Variants in MAMDC2 observed in about 807,000 individuals in gnomAD.
The protein encoded by MAMDC2 is MAM domain containing 2, also known as MAM domain-containing protein 2.
A neutral mutation model predicts 89.8 loss-of-function variants in MAMDC2; 57 were observed. The observed-to-expected ratio is 0.63, with a 90% CI of 0.51 to 0.79. The LOEUF is 0.79. MAMDC2 is among the 30% of genes least tolerant of loss of function. The pLI is 0.00. For missense variants in MAMDC2, 800 were observed against 820.6 expected, an observed-to-expected ratio of 0.97 and a Z score of 0.31; for synonymous variants, 313 against 293.4, an observed-to-expected ratio of 1.07 and a Z score of -0.68.
chr9:70,163,001 A>G (rs957292691), intron 9 of MAMDC2, among the ~76,000 whole-genome samples: 3 of 151,846 alleles, frequency 2.0e-5, no homozygotes, highest in Non-Finnish European at 4.4e-5. Context: ...GCCTGTCATT[A>G]TGTTGTTTCT....
intron 2 of MAMDC2, chr9:70,082,104 A>C (rs902655374): frequency 1.3e-5 from 2 of 152,232 alleles, no homozygotes; most frequent in Non-Finnish European, 2.9e-5. Context: ...AAAGAGAAGA[A>C]ACAAATGCAT....
intron 9 of MAMDC2, 41 bp from the exon 10 acceptor site, chr9:70,168,661 T>G: frequency 6.5e-7 from 1 of 1,548,858 alleles, no homozygotes; most frequent in Non-Finnish European, 8.9e-7. Context: ...TTTCCAGTTT[T>G]CAGTTAACAG....
chr9:70,096,208 G>A (rs1009756074), intron 2 of MAMDC2, among the ~76,000 whole-genome samples: 4 of 151,924 alleles, frequency 2.6e-5, no homozygotes, highest in Admixed American at 6.6e-5. Flanking sequence ...TGTAGAGATG[G>A]GGTTTTGCCA....
chr9:70,090,043 A>G (rs138087675), intron 2 of MAMDC2, among the ~76,000 whole-genome samples: 3 of 152,148 alleles, frequency 2.0e-5, no homozygotes, highest in Non-Finnish European at 4.4e-5. Flanking sequence ...ATATCCAGTT[A>G]ATTTTCTTAA....
At chr9:70,142,214 G>T (rs2031247876) in intron 8 of MAMDC2, among the ~76,000 whole-genome samples, 1 of 152,104 alleles carries the variant, frequency 6.6e-6, no homozygotes, top group African/African-American at 2.4e-5. Context: ...TGGGAGAGTG[G>T]GAGTGACCCA....
At chr9:70,222,477 A>T (rs2033582808) in intron 12 of MAMDC2, among the ~76,000 whole-genome samples, 1 of 152,110 alleles carries the variant, frequency 6.6e-6, no homozygotes, top group Non-Finnish European at 1.5e-5. Context: ...TTTGAGATTG[A>T]TCCTATGGGG....
intron 2 of MAMDC2, among the ~76,000 whole-genome samples, chr9:70,078,021 T>C (rs764722526): frequency 0.34 from 52,211 of 151,802 alleles, 10,071 homozygotes; most frequent in African/African-American, 0.52. Flanking sequence ...CACTCTACCA[T>C]TCCTACTTAT....
intron 2 of MAMDC2, among the ~76,000 whole-genome samples, chr9:70,057,349 C>T (rs540953688): frequency 1.3e-4 from 20 of 152,250 alleles, no homozygotes; most frequent in Admixed American, 2.6e-4. Flanking sequence ...CTATCAAGTA[C>T]GCTATTATGC....
chr9:70,050,128 G>A (rs1447138427), intron 2 of MAMDC2, among the ~76,000 whole-genome samples: 1 of 152,156 alleles, frequency 6.6e-6, no homozygotes, highest in East Asian at 1.9e-4. Flanking sequence ...AGTGTTTGGG[G>A]CCAAACAAAG....
chr9:70,110,013 C>T (rs1429983690), intron 4 of MAMDC2, among the ~76,000 whole-genome samples: 1 of 152,182 alleles, frequency 6.6e-6, no homozygotes, highest in Non-Finnish European at 1.5e-5. Flanking sequence ...TCTGCCTGTA[C>T]AGTCTGGATT....
At chr9:70,217,331 C>A in intron 11 of MAMDC2, 1 of 1,393,404 alleles carries the variant, frequency 7.2e-7, no homozygotes, top group Non-Finnish European at 1.0e-6. Context: ...AAGAGGAATC[C>A]TTGGCAGATA....
intron 9 of MAMDC2, among the ~76,000 whole-genome samples, chr9:70,154,944 T>A (rs1012992): frequency 0.78 from 119,123 of 151,968 alleles, 46,831 homozygotes; most frequent in Admixed American, 0.83. Flanking sequence ...CCAGCCCCCA[T>A]GCAAATCCCA....
chr9:70,208,548 T>C (rs1246163897), intron 11 of MAMDC2, among the ~76,000 whole-genome samples: 1 of 152,140 alleles, frequency 6.6e-6, no homozygotes, highest in Non-Finnish European at 1.5e-5. Flanking sequence ...GATGATGGGG[T>C]TTTCTAAATA....
intron 4 of MAMDC2, 46 bp downstream of exon 4, chr9:70,109,850 TA>T (rs1828459178): frequency 6.6e-7 from 1 of 1,505,254 alleles, no homozygotes; most frequent in Admixed American, 1.7e-5. Flanking sequence ...AATCTTTTTC[TA>T]AAAGTTACTG....
intron 12 of MAMDC2, among the ~76,000 whole-genome samples, chr9:70,221,193 G>A (rs1245262695): frequency 1.3e-5 from 2 of 150,348 alleles, no homozygotes; most frequent in African/African-American, 2.5e-5. Context: ...GGAGGACGTA[G>A]AAAATGCAAG....
At chr9:70,184,892 C>T (rs1186663963) in intron 11 of MAMDC2, among the ~76,000 whole-genome samples, 3 of 152,098 alleles carry the variant, frequency 2.0e-5, no homozygotes, top group African/African-American at 7.2e-5. Context: ...ATTTGTCAAA[C>T]TCATTCTCCA....
At chr9:70,052,086 T>TA (rs941233334) in intron 2 of MAMDC2, among the ~76,000 whole-genome samples, 3 of 152,210 alleles carry the variant, frequency 2.0e-5, no homozygotes, top group African/African-American at 7.2e-5. Context: ...TTGGCATCAT[T>TA]AAAAAACAAC....
intron 5 of MAMDC2, among the ~76,000 whole-genome samples, chr9:70,120,067 G>A (rs1254860131): frequency 6.6e-6 from 1 of 152,190 alleles, no homozygotes; most frequent in Non-Finnish European, 1.5e-5. Flanking sequence ...CGCACTGGTA[G>A]GCAGTTCTCT....
chr9:70,053,039 G>A (rs1425252441), intron 2 of MAMDC2, among the ~76,000 whole-genome samples: 1 of 152,168 alleles, frequency 6.6e-6, no homozygotes, highest in Non-Finnish European at 1.5e-5. Context: ...TTTTGGCAAG[G>A]GATGACCAGA....
Sources: allele counts gnomAD v4.1 joint callset (sites outside exome capture counted in the v4.1 genomes callset), GRCh38; gene constraint gnomAD v4.1.1; transcripts MANE v1.5; gene names NCBI Gene and HGNC (gene_info 2026-07-23, HGNC 2026-07-21).